NLRC5: variants seen among roughly 807,000 people sequenced by gnomAD.
NLRC5 encodes NLR family CARD domain containing 5, also known as protein NLRC5.
A neutral mutation model predicts 206.9 loss-of-function variants in NLRC5; 114 were observed. The observed-to-expected ratio is 0.55, with a 90% CI of 0.47 to 0.64. The LOEUF (loss-of-function observed/expected upper bound fraction) is 0.64, where lower values mean the gene tolerates loss of function less well. NLRC5 is among the 30% of genes least tolerant of loss of function. The pLI, the probability that NLRC5 is intolerant of heterozygous loss-of-function variation, is 0.00. For missense variants in NLRC5, 2,008 were observed against 2,305.5 expected (o/e 0.87, Z 2.64); for synonymous variants, 952 against 962.8 (o/e 0.99, Z 0.21).
At chr16:57,046,982 C>T (rs2064066427) in intron 22 of NLRC5, among the ~76,000 whole-genome samples, 2 of 152,194 alleles carry the variant, frequency 1.3e-5, no homozygotes, top group Admixed American at 1.3e-4. Flanking sequence ...TGGCCTGTCT[C>T]CCCACTAATA....
At chr16:57,045,163 C>T in intron 20 of NLRC5, 1 of 396,934 alleles carries the variant, frequency 2.5e-6, no homozygotes, top group South Asian at 2.3e-5. Flanking sequence ...GCCATGACTG[C>T]ACCACTGCAC....
intron 22 of NLRC5, 138 bp downstream of exon 22, chr16:57,046,779 A>G (rs1358968209): frequency 1.3e-5 from 9 of 717,842 alleles, no homozygotes; most frequent in Non-Finnish European, 2.0e-5. Context: ...GAAAAGAAAG[A>G]GGCGTGGGTG....
At chr16:57,050,658 A>G (rs2064768824) in intron 23 of NLRC5, among the ~76,000 whole-genome samples, 1 of 152,182 alleles carries the variant, frequency 6.6e-6, no homozygotes, top group African/African-American at 2.4e-5. Flanking sequence ...GAGCAGAGAC[A>G]GCAAGGCAGG....
intron 32 of NLRC5, chr16:57,061,970 A>T (rs2066567215): frequency 6.7e-7 from 1 of 1,496,524 alleles, no homozygotes; most frequent in Non-Finnish European, 8.9e-7. Flanking sequence ...GAGGATACTG[A>T]ACTGAGGACA....
intron 11 of NLRC5, among the ~76,000 whole-genome samples, chr16:57,033,087 T>C (rs2062070418): frequency 6.6e-6 from 1 of 152,076 alleles, no homozygotes; most frequent in Admixed American, 6.6e-5. Context: ...TAACGCTCCC[T>C]CAGCCCAGTG....
Position 57,058,108 on chromosome 16 carries a change from C to G in NLRC5, c.3790C>G (p.Leu1264Val). 1 of 1,612,208 alleles carries G rather than the reference C, an allele frequency of 6.2e-7. No individual in the cohort carries two copies. Among genetic ancestry groups the G allele is most frequent in the Non-Finnish European group, 8.5e-7 (1 of 1,179,092 alleles). The change falls in exon 28 of 49, where the codon CTG becomes GTG. Residue 1264 changes from leucine (L) to valine (V), a missense_variant. Transcript: ENST00000688547. ...LLGDSGLRCL[L>V]ECLPQVPISG... ...GGGCGACAGCGGACTCAGATGCCTT[C>G]TGGAATGTCTGCCGCAGGTGCCCAT...
intron 12 of NLRC5, 34 bp downstream of exon 12, chr16:57,033,703 G>T: frequency 6.3e-7 from 1 of 1,593,326 alleles, no homozygotes; most frequent in Non-Finnish European, 8.6e-7. Flanking sequence ...TTAGGAGAGG[G>T]ATATGATATG....
intron 20 of NLRC5, 193 bp from the exon 21 acceptor site, chr16:57,045,255 A>C: frequency 1.7e-6 from 1 of 594,764 alleles, no homozygotes; most frequent in Non-Finnish European, 3.0e-6. Flanking sequence ...TATTGTGAGA[A>C]TCAAATGAGA....
chr16:56,994,426 A>G (rs994743321), intron 1 of NLRC5, among the ~76,000 whole-genome samples: 13 of 152,182 alleles, frequency 8.5e-5, no homozygotes, highest in Non-Finnish European at 5.9e-5. Context: ...GCTTCCACAC[A>G]CCAGGCCCTG....
chr16:57,068,195 C>A (rs183768106), intron 36 of NLRC5, among the ~76,000 whole-genome samples: 3 of 151,986 alleles, frequency 2.0e-5, no homozygotes, highest in African/African-American at 7.3e-5. Context: ...TTTGGGAGGC[C>A]GAGGCAGGTG....
At chr16:57,013,361 T>C (rs289705) in intron 1 of NLRC5, 637,404 of 639,644 alleles carry the variant, frequency 1, 317,622 homozygotes, top group East Asian at 1. Flanking sequence ...TCCTTCAAAG[T>C]CAGTAAACAT....
intron 18 of NLRC5, 99 bp downstream of exon 18, chr16:57,041,673 C>A: frequency 1.1e-6 from 1 of 936,756 alleles, no homozygotes; most frequent in South Asian, 1.5e-5. Context: ...ATCAACTGTT[C>A]TTTCCCTGCT....
At chr16:57,045,935 ATACTAGTTTAGCTCTTCATGATGT>A (rs569072392) in intron 21 of NLRC5, among the ~76,000 whole-genome samples, 6 of 152,344 alleles carry the variant, frequency 3.9e-5, no homozygotes, top group African/African-American at 1.4e-4. Context: ...TAAACAACCA[ATACTAGTTTAGCTCTTCATGATGT>A]TCCCGGCTGC....
intron 20 of NLRC5, among the ~76,000 whole-genome samples, chr16:57,045,028 A>G (rs2063757910): frequency 6.6e-6 from 1 of 152,072 alleles, no homozygotes. Flanking sequence ...AACATGGCAA[A>G]ACCCCATCTC....
chr16:57,009,618 A>G (rs2059289849), intron 1 of NLRC5, among the ~76,000 whole-genome samples: 1 of 152,136 alleles, frequency 6.6e-6, no homozygotes, highest in African/African-American at 2.4e-5. Context: ...AGAACATATT[A>G]TATACAACTG....
At position 57,041,999 on chromosome 16, in the gene NLRC5, T is replaced by G. The variant is rs201866815; in HGVS notation, c.3047T>G (p.Leu1016Arg). The G allele has an allele frequency of 6.3e-7, 1 of 1,580,550 alleles. No homozygotes were observed. Residue 1016 changes from leucine to arginine, a missense_variant, in exon 19 of 49, where the codon CTG becomes CGG. Coordinates refer to ENST00000688547, the MANE Select transcript of NLRC5 (RefSeq NM_001384950.1). ...ACCCCCAGCTTCTCAGGCAATGCTC[T>G]GGGGGATGAAGGTGCAGCCCGGCTG... Reference protein sequence around the residue: ...HLHLDFSGNALGDEGAARLAQ... With the variant: ...HLHLDFSGNARGDEGAARLAQ...
intron 11 of NLRC5, among the ~76,000 whole-genome samples, chr16:57,031,884 T>A (rs1470377555): frequency 6.6e-6 from 1 of 151,806 alleles, no homozygotes; most frequent in Non-Finnish European, 1.5e-5. Context: ...ACTGTTGGCA[T>A]GCAGTGGGCA....
Position 57,025,524 on chromosome 16 carries a change from C to A in NLRC5, c.581C>A (p.Ala194Asp), listed in dbSNP as rs375058911. 8.7e-6 allele frequency: 14 copies of A among 1,613,434 alleles called. No homozygotes were observed. The highest frequency in any genetic ancestry group is 1.3e-5 in the African/African-American group (1 of 75,008). Residue 194 changes from alanine to aspartate, a missense_variant, in exon 6 of 49, where the codon GCC becomes GAC. Physicochemically the swap from Ala to Asp is moderately radical, Grantham distance 126. Transcript: ENST00000688547. ...GCATCCTTAGACACTCCGGAGGGGG[C>A]CATTATGGGGGACGTCAAGGTGGAA... ...ATASLDTPEG[A>D]IMGDVKVEDG...
chr16:57,030,482 G>C, intron 10 of NLRC5, among the ~76,000 whole-genome samples: 1 of 138,898 alleles, frequency 7.2e-6, no homozygotes, highest in South Asian at 2.5e-4. Flanking sequence ...ATGGATGGGT[G>C]GATGAAAAGA....
Sources: gnomAD v4.1 joint callset for allele counts (sites outside exome capture counted in the v4.1 genomes callset) on GRCh38, gnomAD v4.1.1 for gene constraint, MANE v1.5 for transcripts, NCBI Gene and HGNC (gene_info 2026-07-23, HGNC 2026-07-21) for gene names.